The following PTPRD variants were observed in gnomAD, a reference collection of about 807,000 sequenced individuals.
The protein encoded by PTPRD is receptor-type tyrosine-protein phosphatase delta.
A neutral mutation model predicts 214.5 loss-of-function variants in PTPRD; 34 were observed. That is an observed-to-expected ratio of 0.16 (90% CI 0.12 to 0.21). PTPRD has a LOEUF of 0.21. Ranked by LOEUF, PTPRD falls within the 10% of genes least tolerant of loss-of-function variation. PTPRD has a pLI of 1.00. For missense variants in PTPRD, 2,545 were observed against 2,398.7 expected (o/e 1.06, Z -1.27); for synonymous variants, 1,128 against 845.7 (o/e 1.33, Z -5.79).
intron 12 of PTPRD, among the ~76,000 whole-genome samples, chr9:8,727,465 A>G (rs2098597623): frequency 6.6e-6 from 1 of 152,170 alleles, no homozygotes. Context: ...AGGAAGAGGG[A>G]GTAATTTTGC....
At chr9:9,435,665 C>G (rs2084953855) in intron 8 of PTPRD, among the ~76,000 whole-genome samples, 1 of 151,996 alleles carries the variant, frequency 6.6e-6, no homozygotes, top group Non-Finnish European at 1.5e-5. Context: ...TTGCATATAT[C>G]ATATTTATCT....
intron 2 of PTPRD, among the ~76,000 whole-genome samples, chr9:10,359,186 C>T (rs2097332547): frequency 6.6e-6 from 1 of 151,962 alleles, no homozygotes; most frequent in African/African-American, 2.4e-5. Context: ...TTCAGCCATC[C>T]TTTCTACATA....
At chr9:9,113,660 T>C (rs74524982) in intron 10 of PTPRD, among the ~76,000 whole-genome samples, 2,144 of 152,238 alleles carry the variant, frequency 0.014, 40 homozygotes, top group East Asian at 0.069. Flanking sequence ...GTGTCAATCA[T>C]ACCTCTGCAT....
At chr9:9,279,170 A>G (rs1946745992) in intron 9 of PTPRD, among the ~76,000 whole-genome samples, 1 of 150,832 alleles carries the variant, frequency 6.6e-6, no homozygotes, top group African/African-American at 2.4e-5. Flanking sequence ...AGGTGTTAAG[A>G]TAATTTTGTA....
At chr9:10,269,933 T>C (rs1326801339) in intron 3 of PTPRD, among the ~76,000 whole-genome samples, 1 of 152,150 alleles carries the variant, frequency 6.6e-6, no homozygotes, top group Non-Finnish European at 1.5e-5. Context: ...GTATGTATAA[T>C]ATGACAGAAA....
intron 10 of PTPRD, among the ~76,000 whole-genome samples, chr9:9,108,941 C>T (rs569018700): frequency 2.0e-5 from 3 of 152,218 alleles, no homozygotes; most frequent in East Asian, 1.9e-4. Flanking sequence ...CTTAGAGATA[C>T]GACTGGCATC....
intron 33 of PTPRD, among the ~76,000 whole-genome samples, chr9:8,454,870 C>G (rs1247640951): frequency 6.7e-6 from 1 of 149,518 alleles, no homozygotes; most frequent in East Asian, 2.0e-4. Flanking sequence ...CACTTTTATC[C>G]ATCACCTATA....
chr9:10,169,298 C>G (rs1029603312), intron 3 of PTPRD, among the ~76,000 whole-genome samples: 4 of 151,230 alleles, frequency 2.6e-5, no homozygotes, highest in African/African-American at 9.7e-5. Context: ...CACAGTGAAA[C>G]CCCGTCTCTA....
At chr9:8,724,857 G>A (rs1209484180) in intron 12 of PTPRD, among the ~76,000 whole-genome samples, 2 of 152,022 alleles carry the variant, frequency 1.3e-5, no homozygotes, top group Non-Finnish European at 2.9e-5. Context: ...AGGATCACCC[G>A]AGCCCAGGAG....
intron 7 of PTPRD, among the ~76,000 whole-genome samples, chr9:9,733,309 C>T (rs2025392): frequency 0.59 from 89,717 of 152,028 alleles, 29,072 homozygotes; most frequent in African/African-American, 0.85. Flanking sequence ...AGAGACAAAG[C>T]ATACATCTCT....
chr9:9,399,752 T>C (rs961549658), intron 8 of PTPRD, among the ~76,000 whole-genome samples: 2 of 152,032 alleles, frequency 1.3e-5, no homozygotes, highest in African/African-American at 4.8e-5. Context: ...CTTGCTACCA[T>C]GCAAGACATG....
chr9:9,319,106 A>T (rs1387944968), intron 9 of PTPRD, among the ~76,000 whole-genome samples: 1 of 152,232 alleles, frequency 6.6e-6, no homozygotes. Flanking sequence ...CTTTTTAAAT[A>T]GATTCTTAAT....
Position 9,088,726 on chromosome 9 carries a change from T to C in PTPRD, c.-142-69991A>G, listed in dbSNP as rs116503424. On this transcript the variant is annotated intron_variant, in intron 10 of 45. Coordinates refer to ENST00000381196, the MANE Select transcript of PTPRD (RefSeq NM_002839.4). ...TAGAGCCTTGCCTAGCTTGCTGAGATTGCAGAAGACAAAGGTTTTCTTAGT... is the reference window on the plus strand; with the variant it reads ...TAGAGCCTTGCCTAGCTTGCTGAGACTGCAGAAGACAAAGGTTTTCTTAGT... Among the ~76,000 whole-genome samples the C allele has an allele frequency of 3.4e-3, 520 of 152,108 alleles. 5 individuals are homozygous for C. Among genetic ancestry groups the C allele is most frequent in the African/African-American group, 0.011 (475 of 41,508 alleles).
chr9:9,933,428 C>T (rs2087670325), intron 5 of PTPRD, among the ~76,000 whole-genome samples: 1 of 151,644 alleles, frequency 6.6e-6, no homozygotes, highest in Admixed American at 6.5e-5. Context: ...GGTTGCAATC[C>T]TAGTTTCTGA....
intron 2 of PTPRD, among the ~76,000 whole-genome samples, chr9:10,568,927 C>A (rs1318124650): frequency 6.6e-6 from 1 of 152,062 alleles, no homozygotes; most frequent in African/African-American, 2.4e-5. Context: ...CAAATGGGAT[C>A]TAATTAAACT....
At chr9:9,511,161 C>T (rs771767477) in intron 8 of PTPRD, among the ~76,000 whole-genome samples, 6 of 151,658 alleles carry the variant, frequency 4.0e-5, no homozygotes, top group Admixed American at 6.6e-5. Flanking sequence ...TTGTTGTATT[C>T]AATTAAAAAT....
At chr9:9,903,592 A>T (rs1164091721) in intron 5 of PTPRD, among the ~76,000 whole-genome samples, 3 of 152,156 alleles carry the variant, frequency 2.0e-5, no homozygotes, top group African/African-American at 7.2e-5. Context: ...CAGCTCTGTT[A>T]ATATTTACTG....
chr9:9,815,355 A>G (rs919478609), intron 5 of PTPRD, among the ~76,000 whole-genome samples: 1 of 152,190 alleles, frequency 6.6e-6, no homozygotes, highest in African/African-American at 2.4e-5. Context: ...TACATAGTAC[A>G]CAAACATTAA....
intron 11 of PTPRD, among the ~76,000 whole-genome samples, chr9:8,898,458 A>G (rs573563054): frequency 6.6e-6 from 1 of 152,174 alleles, no homozygotes; most frequent in African/African-American, 2.4e-5. Flanking sequence ...TATTTATACA[A>G]TGTAGGTGGC....
Sources: gnomAD v4.1 joint callset for allele counts (sites outside exome capture counted in the v4.1 genomes callset) on GRCh38, gnomAD v4.1.1 for gene constraint, MANE v1.5 for transcripts, NCBI Gene and HGNC (gene_info 2026-07-23, HGNC 2026-07-21) for gene names.